Variants in NSMCE1 observed in about 807,000 individuals in gnomAD.
NSMCE1 encodes the protein non-structural maintenance of chromosomes element 1 homolog.
NSMCE1 carries 18 observed loss-of-function variants against 29.6 expected under a neutral mutation model. The ratio of observed to expected loss-of-function variants is 0.61; its 90% CI spans 0.42 to 0.90. The LOEUF is 0.90. Among genes scored for constraint, NSMCE1 ranks in the 40% least tolerant of loss-of-function variants. NSMCE1 has a pLI of 0.00. For missense variants in NSMCE1, 314 were observed against 343.6 expected, an observed-to-expected ratio of 0.91 and a Z score of 0.68; for synonymous variants, 124 against 133.4, an observed-to-expected ratio of 0.93 and a Z score of 0.49.
intron 1 of NSMCE1, among the ~76,000 whole-genome samples, chr16:27,259,365 C>T (rs368617071): frequency 6.6e-6 from 1 of 152,238 alleles, no homozygotes; most frequent in African/African-American, 2.4e-5. Flanking sequence ...TTTCCTATCA[C>T]TAGGGCCATT....
At position 27,225,721 on chromosome 16, in the gene NSMCE1, C is replaced by A. The variant is rs368410925; in HGVS notation, c.721+5G>T. 1.9e-6 allele frequency: 3 copies of A among 1,614,022 alleles called. No homozygotes were observed. In the Admixed American group the frequency reaches 5.0e-5, roughly 27 times the overall value. ...CCTCCCATGAGCTCCTCAGGGCCCA[C>A]GCACTTGGGATCTCGTGGGGCCAGT... On this transcript the variant is annotated splice_donor_5th_base_variant and intron_variant, in intron 7 of 7. Coordinates refer to ENST00000361439, the MANE Select transcript of NSMCE1 (RefSeq NM_145080.4).
At chr16:27,257,295 G>T in intron 2 of NSMCE1, 140 bp downstream of exon 2, 8 of 588,852 alleles carry the variant, frequency 1.4e-5, no homozygotes, top group Non-Finnish European at 1.6e-5. Flanking sequence ...TAGAAAGATG[G>T]GCCCGTGTAA....
chr16:27,244,562 T>C (rs921191306), intron 2 of NSMCE1, among the ~76,000 whole-genome samples: 1 of 151,930 alleles, frequency 6.6e-6, no homozygotes, highest in African/African-American at 2.4e-5. Context: ...TCTCAGCCCC[T>C]TCACTCATGC....
intron 2 of NSMCE1, among the ~76,000 whole-genome samples, chr16:27,240,155 G>A (rs928605568): frequency 9.9e-5 from 15 of 152,098 alleles, no homozygotes; most frequent in African/African-American, 3.6e-4. Flanking sequence ...TAAGCCCCAT[G>A]GGCTCCACAG....
chr16:27,255,722 GAATA>G (rs1567282961), intron 2 of NSMCE1, among the ~76,000 whole-genome samples: 1 of 152,202 alleles, frequency 6.6e-6, no homozygotes, highest in Non-Finnish European at 1.5e-5. Context: ...CACCTTGAAA[GAATA>G]TTCGTTTCTG....
chr16:27,238,715 A>G (rs898396663), intron 2 of NSMCE1, among the ~76,000 whole-genome samples: 10 of 152,084 alleles, frequency 6.6e-5, no homozygotes, highest in Admixed American at 3.9e-4. Flanking sequence ...AATCTGAGCA[A>G]GGGACAAAAG....
chr16:27,231,519 T>G (rs180767002), intron 5 of NSMCE1, among the ~76,000 whole-genome samples: 1 of 152,120 alleles, frequency 6.6e-6, no homozygotes, highest in African/African-American at 2.4e-5. Flanking sequence ...TGCTTGTGAT[T>G]CCAGCTACTT....
At chr16:27,226,605 T>A in intron 6 of NSMCE1, 115 bp downstream of exon 6, 1 of 666,410 alleles carries the variant, frequency 1.5e-6, no homozygotes, top group Non-Finnish European at 2.6e-6. Flanking sequence ...TGTGGGAGGA[T>A]GCGCCAGCAG....
At chr16:27,239,128 C>T (rs1596679468) in intron 2 of NSMCE1, among the ~76,000 whole-genome samples, 1 of 152,270 alleles carries the variant, frequency 6.6e-6, no homozygotes, top group Non-Finnish European at 1.5e-5. Context: ...CACCTGTCTC[C>T]CCAAGTTTTG....
chr16:27,253,091 T>C (rs1295845474), intron 2 of NSMCE1, among the ~76,000 whole-genome samples: 1 of 152,174 alleles, frequency 6.6e-6, no homozygotes, highest in Non-Finnish European at 1.5e-5. Context: ...TATGTGGCTG[T>C]TCCTGAGTTG....
At chr16:27,260,973 C>G (rs113971682) in intron 1 of NSMCE1, among the ~76,000 whole-genome samples, 1 of 151,250 alleles carries the variant, frequency 6.6e-6, no homozygotes, top group East Asian at 1.9e-4. Context: ...TGGAGACCAG[C>G]CTGGTTAACA....
rs1217740702 is a variant in NSMCE1 at position 27,247,610 on chromosome 16, G to A, written c.136+9825C>T. 5.9e-5 allele frequency among the ~76,000 whole-genome samples: 9 copies of A among 152,028 alleles called. 1 individual carries two copies. Among genetic ancestry groups the A allele is most frequent in the South Asian group, 2.1e-4 (1 of 4,816 alleles). On this transcript the variant is annotated intron_variant, in intron 2 of 7. Transcript: ENST00000361439. ...CCATCCTGTCATTACAGTCAGGTAC[G>A]CATTGTCTAGAATTTCACATAAATG...
intron 3 of NSMCE1, 141 bp from the exon 4 acceptor site, chr16:27,234,406 G>T (rs1215917055): frequency 5.9e-6 from 4 of 679,822 alleles, no homozygotes; most frequent in Non-Finnish European, 1.1e-5. Context: ...CGCAGGGATG[G>T]ATCTGTAACC....
At chr16:27,261,971 G>A (rs918950813) in intron 1 of NSMCE1, among the ~76,000 whole-genome samples, 9 of 152,194 alleles carry the variant, frequency 5.9e-5, no homozygotes, top group African/African-American at 1.9e-4. Context: ...GGCCGAGCGC[G>A]GTGGCTCATG....
At chr16:27,250,466 G>A (rs958378593) in intron 2 of NSMCE1, among the ~76,000 whole-genome samples, 3 of 151,900 alleles carry the variant, frequency 2.0e-5, no homozygotes, top group African/African-American at 7.3e-5. Context: ...TTTTAATCAG[G>A]AATAGCTGTT....
chr16:27,229,531 A>G (rs1236351967), intron 5 of NSMCE1, among the ~76,000 whole-genome samples: 2 of 152,202 alleles, frequency 1.3e-5, no homozygotes, highest in African/African-American at 4.8e-5. Context: ...AATGCCTGAC[A>G]CTAAGCAAGT....
intron 2 of NSMCE1, among the ~76,000 whole-genome samples, chr16:27,237,277 T>C (rs752502155): frequency 5.3e-5 from 8 of 152,242 alleles, no homozygotes; most frequent in South Asian, 2.1e-4. Context: ...GAGGGAGGCA[T>C]GGCCTGACTT....
chr16:27,250,262 G>A (rs1046653407), intron 2 of NSMCE1, among the ~76,000 whole-genome samples: 6 of 151,868 alleles, frequency 4.0e-5, no homozygotes, highest in South Asian at 2.1e-4. Context: ...TCTTTTTCTC[G>A]CCTCAGTACA....
intron 2 of NSMCE1, among the ~76,000 whole-genome samples, chr16:27,247,486 C>T (rs934676772): frequency 3.3e-5 from 5 of 152,284 alleles, no homozygotes; most frequent in East Asian, 1.9e-4. Flanking sequence ...AGCGCGAGAA[C>T]GGACTAATAC....
Sources: gnomAD v4.1 joint callset for allele counts (sites outside exome capture counted in the v4.1 genomes callset) on GRCh38, gnomAD v4.1.1 for gene constraint, MANE v1.5 for transcripts, NCBI Gene and HGNC (gene_info 2026-07-23, HGNC 2026-07-21) for gene names.